ERCC6: variants seen among roughly 807,000 people sequenced by gnomAD.
The protein encoded by ERCC6 is ERCC excision repair 6, chromatin remodeling factor.
In ERCC6, 116 loss-of-function variants were observed where a neutral mutation model predicts 158.7. The ratio of observed to expected loss-of-function variants is 0.73; its 90% CI spans 0.63 to 0.85. The LOEUF (loss-of-function observed/expected upper bound fraction) is 0.85, where lower values mean the gene tolerates loss of function less well. ERCC6 is among the 40% of genes least tolerant of loss of function. ERCC6 has a pLI of 0.00. For synonymous variants in ERCC6, 678 were observed against 659.3 expected (o/e 1.03, Z -0.43); for missense variants, 1,698 against 1,799.4 (o/e 0.94, Z 1.02).
intron 20 of ERCC6, among the ~76,000 whole-genome samples, chr10:49,459,764 C>T (rs1850545305): frequency 6.6e-6 from 1 of 152,220 alleles, no homozygotes; most frequent in African/African-American, 2.4e-5. Flanking sequence ...CAAATCCCTA[C>T]TGCTAAAAGC....
intron 4 of ERCC6, chr10:49,525,085 A>T: frequency 2.3e-6 from 1 of 432,802 alleles, no homozygotes; most frequent in Non-Finnish European, 3.8e-6. Flanking sequence ...TAAATAGTCA[A>T]GTTTAGCTGT....
intron 5 of ERCC6, among the ~76,000 whole-genome samples, chr10:49,517,631 T>C (rs945922079): frequency 2.0e-5 from 3 of 152,090 alleles, no homozygotes; most frequent in Non-Finnish European, 4.4e-5. Context: ...TTCTTTCTTT[T>C]TTTTTTTTCT....
At chr10:49,437,029 G>A in the ERCC6 span, among the ~76,000 whole-genome samples, 7 of 152,212 alleles carry the variant, frequency 4.6e-5, no homozygotes, top group African/African-American at 1.7e-4. Flanking sequence ...GGAAGCACCC[G>A]GTGAGAGATG....
chr10:49,460,110 C>T lies in ERCC6; in HGVS notation c.4062+263G>A, dbSNP rs904425238. The stretch of plus-strand genomic sequence containing the variant: ...ACAAGGCAGGCTGTCCTAGCAGCGA[C>T]ACACCTATCCCTGTGTCAACCTTCT... On this transcript the variant is annotated intron_variant, in intron 20 of 20. Coordinates refer to ENST00000355832, the MANE Select transcript of ERCC6 (RefSeq NM_000124.4). The T allele has an allele frequency of 5.7e-6, 3 of 530,330 alleles. No homozygotes were observed. In the African/African-American group the frequency reaches 5.7e-5, roughly 10 times the overall value. The allele number at this position is 530,330 out of a possible 1,614,324, so 32.9% of individuals were successfully genotyped here.
the ERCC6 span, among the ~76,000 whole-genome samples, chr10:49,441,407 G>A: frequency 6.6e-6 from 1 of 152,156 alleles, no homozygotes; most frequent in Non-Finnish European, 1.5e-5. Context: ...CGAAGTGGAG[G>A]AGGGGCCTCC....
In ERCC6 at chr10:49,476,321, G is replaced by C. The variant is rs1268376127; in HGVS notation, c.2287-11C>G. The C allele has an allele frequency of 1.5e-5, 23 of 1,559,470 alleles. No individual in the cohort carries two copies. The highest frequency in any genetic ancestry group is 1.9e-5 in the Non-Finnish European group (22 of 1,132,942). ...ACGGCAAAATAAGACCTACGGACGGGAAAAACAAGGAAACTATAATTTCAA... is the reference window on the plus strand; with the variant it reads ...ACGGCAAAATAAGACCTACGGACGGCAAAAACAAGGAAACTATAATTTCAA... On this transcript the variant is annotated splice_polypyrimidine_tract_variant and intron_variant, in intron 11 of 20. Coordinates refer to ENST00000355832, the MANE Select transcript of ERCC6 (RefSeq NM_000124.4).
intron 11 of ERCC6, 51 bp downstream of exon 11, chr10:49,478,303 A>ATC: frequency 8.4e-7 from 1 of 1,186,106 alleles, no homozygotes; most frequent in Non-Finnish European, 1.3e-6. Flanking sequence ...AGTGAAGGGA[A>ATC]AGACACACTT....
At chr10:49,497,056 C>G (rs971491997) in intron 7 of ERCC6, among the ~76,000 whole-genome samples, 5 of 152,260 alleles carry the variant, frequency 3.3e-5, no homozygotes, top group African/African-American at 9.6e-5. Context: ...CTGTCCCTGC[C>G]CTTCAACTGG....
At position 49,512,613 on chromosome 10, in the gene ERCC6, G is replaced by A. The variant is rs138117257; in HGVS notation, c.1398-6601C>T. ...AATGATTTTACTATGCCTATGATAC[G>A]TTGAACAGCCCTTATCCAAAATGCT... On this transcript the variant is annotated intron_variant, in intron 5 of 20. Transcript: ENST00000355832. Among the ~76,000 whole-genome samples, 402 of 152,286 alleles carry A rather than the reference G, an allele frequency of 2.6e-3. 9 individuals are homozygous for A. The highest frequency in any genetic ancestry group is 3.4e-3 in the Middle Eastern group (1 of 294).
chr10:49,530,128 C>T (rs1837434860), intron 3 of ERCC6, among the ~76,000 whole-genome samples: 1 of 151,844 alleles, frequency 6.6e-6, no homozygotes, highest in Non-Finnish European at 1.5e-5. Context: ...TCACAGGAGA[C>T]CAGGAGACTG....
At chr10:49,444,215 C>T in the ERCC6 span, among the ~76,000 whole-genome samples, 3 of 152,204 alleles carry the variant, frequency 2.0e-5, no homozygotes. Flanking sequence ...TTGCCATGCC[C>T]TCAGGGCTGG....
intron 3 of ERCC6, among the ~76,000 whole-genome samples, chr10:49,528,797 C>T (rs1837401956): frequency 6.6e-6 from 1 of 152,122 alleles, no homozygotes. Context: ...TCTATGTGCC[C>T]GAGCCCTTAA....
chr10:49,468,108 T>G (rs1447574790), intron 18 of ERCC6, among the ~76,000 whole-genome samples: 1 of 152,152 alleles, frequency 6.6e-6, no homozygotes, highest in Non-Finnish European at 1.5e-5. Context: ...ACCAGACATG[T>G]TTCCTCTAAT....
At chr10:49,536,873 C>A (rs1346675965) in intron 1 of ERCC6, among the ~76,000 whole-genome samples, 1 of 152,020 alleles carries the variant, frequency 6.6e-6, no homozygotes, top group Non-Finnish European at 1.5e-5. Context: ...AGGGTCCAAG[C>A]TGGGTAGGTT....
chr10:49,485,007 G>A lies in ERCC6; in HGVS notation c.1822-1491C>T, dbSNP rs545241410. Among the ~76,000 whole-genome samples the A allele has an allele frequency of 3.9e-5, 6 of 152,326 alleles. No homozygotes were observed. In the East Asian group the frequency reaches 1.2e-3, roughly 29 times the overall value. On this transcript the variant is annotated intron_variant, in intron 8 of 20. Coordinates refer to ENST00000355832, the MANE Select transcript of ERCC6 (RefSeq NM_000124.4). ...CAAATTCCAGCTTCAGATAGGCAAG[G>A]ACTTGGAAGATCAGTCACCAAGAGA...
chr10:49,437,053 G>A, the ERCC6 span, among the ~76,000 whole-genome samples: 9 of 152,152 alleles, frequency 5.9e-5, no homozygotes, highest in African/African-American at 2.2e-4. Context: ...GAATCATGGG[G>A]GGTGGTTTCC....
At chr10:49,530,324 T>C (rs1259635245) in intron 3 of ERCC6, among the ~76,000 whole-genome samples, 1 of 152,222 alleles carries the variant, frequency 6.6e-6, no homozygotes, top group Non-Finnish European at 1.5e-5. Flanking sequence ...ATAACCCCAT[T>C]ATAAACTGAG....
rs1483248017 is a variant in ERCC6, at chr10:49,494,410, G to GAAGTTAAT, written c.1686-1159_1686-1158insATTAACTT. ...TCATTTTGAAGAAGTTAATAAACTA[G>GAAGTTAAT]AAAAATGTTCACCATAATTTTTAAA... On this transcript the variant is annotated intron_variant, in intron 7 of 20. Coordinates refer to ENST00000355832, the MANE Select transcript of ERCC6 (RefSeq NM_000124.4). Among the ~76,000 whole-genome samples, 18 of 152,276 alleles carry GAAGTTAAT rather than the reference G, an allele frequency of 1.2e-4. 1 individual carries two copies. The highest frequency in any genetic ancestry group is 4.1e-4 in the African/African-American group (17 of 41,552).
intron 8 of ERCC6, among the ~76,000 whole-genome samples, chr10:49,488,680 G>C (rs1305888253): frequency 6.8e-6 from 1 of 146,408 alleles, no homozygotes; most frequent in Non-Finnish European, 1.5e-5. Context: ...CTCCCTTCTA[G>C]CTTTTTTTAA....
Sources: allele counts gnomAD v4.1 joint callset (sites outside exome capture counted in the v4.1 genomes callset), GRCh38; gene constraint gnomAD v4.1.1; transcripts MANE v1.5; gene names NCBI Gene and HGNC (gene_info 2026-07-23, HGNC 2026-07-21).